Variants in MAP3K20 observed in about 807,000 individuals in gnomAD.
MAP3K20 encodes the protein HCCS-4.
MAP3K20 carries 40 observed loss-of-function variants against 85.7 expected under a neutral mutation model. That is an observed-to-expected ratio of 0.47 (90% CI 0.36 to 0.61). The LOEUF is 0.61. MAP3K20 is among the 20% of genes least tolerant of loss of function. MAP3K20 has a pLI of 0.00. For synonymous variants in MAP3K20, 325 were observed against 327.7 expected (o/e 0.99, Z 0.09); for missense variants, 817 against 961.7 (o/e 0.85, Z 1.99).
At chr2:173,202,112 CAACCATTTTATATTTAAAAAAGT>C (rs1430169468) in intron 8 of MAP3K20, among the ~76,000 whole-genome samples, 3 of 152,126 alleles carry the variant, frequency 2.0e-5, no homozygotes, top group Admixed American at 2.0e-4. Context: ...TCCCAGCCCC[CAACCATTTTATATTTAAAAAAGT>C]AAACACCTGA....
At chr2:173,209,554 C>T (rs1206895911) in intron 9 of MAP3K20, 175 bp from the exon 10 acceptor site, 1 of 493,440 alleles carries the variant, frequency 2.0e-6, no homozygotes, top group Non-Finnish European at 3.5e-6. Context: ...AAGAATAGAG[C>T]TCCCTAAACC....
At chr2:173,164,376 T>C (rs1689753612) in intron 2 of MAP3K20, among the ~76,000 whole-genome samples, 1 of 152,230 alleles carries the variant, frequency 6.6e-6, no homozygotes, top group African/African-American at 2.4e-5. Flanking sequence ...TGTCTATGCA[T>C]GTTCTTTGCC....
At chr2:173,178,907 A>G (rs984840914) in intron 3 of MAP3K20, among the ~76,000 whole-genome samples, 4 of 152,212 alleles carry the variant, frequency 2.6e-5, no homozygotes, top group African/African-American at 9.7e-5. Context: ...ATATTAGCAT[A>G]CTGAATCCAG....
At chr2:173,237,272 CCA>C (rs1317174876) in intron 14 of MAP3K20, among the ~76,000 whole-genome samples, 1 of 151,910 alleles carries the variant, frequency 6.6e-6, no homozygotes, top group Non-Finnish European at 1.5e-5. Flanking sequence ...CATGATCCGC[CCA>C]CCTCAGCATC....
intron 18 of MAP3K20, among the ~76,000 whole-genome samples, chr2:173,263,407 T>A (rs1436094865): frequency 6.6e-6 from 1 of 152,218 alleles, no homozygotes; most frequent in Non-Finnish European, 1.5e-5. Flanking sequence ...AAGAGGTAAG[T>A]TGAGATTTGT....
At chr2:173,246,491 TTTATTA>T (rs1260163406) in intron 16 of MAP3K20, among the ~76,000 whole-genome samples, 1 of 152,146 alleles carries the variant, frequency 6.6e-6, no homozygotes, top group Non-Finnish European at 1.5e-5. Context: ...CTGCCTAGAT[TTTATTA>T]TTATATCTCT....
chr2:173,083,781 A>G (rs1354971524), intron 1 of MAP3K20, among the ~76,000 whole-genome samples: 2 of 152,244 alleles, frequency 1.3e-5, no homozygotes, highest in Non-Finnish European at 2.9e-5. Flanking sequence ...TAATACTAGC[A>G]TAAATATCAA....
intron 2 of MAP3K20, among the ~76,000 whole-genome samples, chr2:173,124,868 A>T (rs944192088): frequency 1.3e-5 from 2 of 152,196 alleles, no homozygotes; most frequent in African/African-American, 4.8e-5. Flanking sequence ...CACACTTGTA[A>T]TTCCAGCACT....
chr2:173,173,154 C>CTGTGTGTGTGTGTG (rs57836780), intron 3 of MAP3K20, among the ~76,000 whole-genome samples: 5 of 138,612 alleles, frequency 3.6e-5, no homozygotes, highest in Middle Eastern at 7.3e-3. Context: ...TCTTTTATTT[C>CTGTGTGTGTGTGTG]TGTGTGTGTG....
At chr2:173,235,931 A>T (rs1684636829) in intron 14 of MAP3K20, among the ~76,000 whole-genome samples, 1 of 152,102 alleles carries the variant, frequency 6.6e-6, no homozygotes, top group Non-Finnish European at 1.5e-5. Context: ...CTGTTACAAA[A>T]GTCAAACGTT....
At chr2:173,172,606 AACTTTT>A (rs1413231208) in intron 3 of MAP3K20, among the ~76,000 whole-genome samples, 3 of 151,988 alleles carry the variant, frequency 2.0e-5, no homozygotes. Context: ...TGTTTGCTGA[AACTTTT>A]TTATCACAGA....
At chr2:173,084,125 G>A (rs1687081743) in intron 1 of MAP3K20, among the ~76,000 whole-genome samples, 1 of 152,102 alleles carries the variant, frequency 6.6e-6, no homozygotes, top group Admixed American at 6.5e-5. Flanking sequence ...ATCTCCCTAT[G>A]TTGCCCCAGC....
chr2:173,172,132 C>T (rs1424021187), intron 3 of MAP3K20, among the ~76,000 whole-genome samples: 3 of 152,150 alleles, frequency 2.0e-5, no homozygotes, highest in African/African-American at 7.2e-5. Context: ...GATGACGACA[C>T]TTACTCTGCC....
At chr2:173,196,921 C>T (rs1690861658) in intron 7 of MAP3K20, among the ~76,000 whole-genome samples, 1 of 151,530 alleles carries the variant, frequency 6.6e-6, no homozygotes. Flanking sequence ...CATAGTCTGG[C>T]TCTGTCACTG....
intron 2 of MAP3K20, among the ~76,000 whole-genome samples, chr2:173,109,121 C>T (rs1687870531): frequency 6.6e-6 from 1 of 152,192 alleles, no homozygotes; most frequent in Non-Finnish European, 1.5e-5. Flanking sequence ...TATTTGCTAT[C>T]ATGAAGCTCA....
chr2:173,112,634 G>A (rs183287329), intron 2 of MAP3K20, among the ~76,000 whole-genome samples: 1 of 152,210 alleles, frequency 6.6e-6, no homozygotes, highest in East Asian at 1.9e-4. Context: ...AGCGATGCTG[G>A]ATTTTGTTGA....
At chr2:173,110,225 ATATATATATATATATATTTTTTTTTTTT>A (rs1450669346) in intron 2 of MAP3K20, among the ~76,000 whole-genome samples, 5 of 10,200 alleles carry the variant, frequency 4.9e-4, no homozygotes, top group South Asian at 3.1e-3. Flanking sequence ...ATATATATAT[ATATATATATATATATATTTTTTTTTTTT>A]TTTTTTTTTT....
intron 2 of MAP3K20, among the ~76,000 whole-genome samples, chr2:173,146,969 T>G (rs1689156900): frequency 6.6e-6 from 1 of 152,242 alleles, no homozygotes; most frequent in Admixed American, 6.5e-5. Context: ...ACGGTCAGCA[T>G]CTTTCCTTAT....
At chr2:173,106,811 G>A (rs1192050442) in intron 2 of MAP3K20, among the ~76,000 whole-genome samples, 2 of 152,194 alleles carry the variant, frequency 1.3e-5, no homozygotes, top group Non-Finnish European at 2.9e-5. Context: ...GAGTTCAGGT[G>A]CTGGAGGCAG....
Sources: gnomAD v4.1 joint callset for allele counts (sites outside exome capture counted in the v4.1 genomes callset) on GRCh38, gnomAD v4.1.1 for gene constraint, MANE v1.5 for transcripts, NCBI Gene and HGNC (gene_info 2026-07-23, HGNC 2026-07-21) for gene names.